Variants in BMP7 observed in about 807,000 individuals in gnomAD.
The protein encoded by BMP7 is bone morphogenetic protein 7.
Under a neutral mutation model 41.2 loss-of-function variants are expected in BMP7, and 12 were observed. The ratio of observed to expected loss-of-function variants is 0.29; its 90% CI spans 0.19 to 0.47. The LOEUF (loss-of-function observed/expected upper bound fraction) is 0.47. Among genes scored for constraint, BMP7 ranks in the 20% least tolerant of loss-of-function variants. BMP7 has a pLI of 0.99. For synonymous variants in BMP7, 248 were observed against 250.0 expected, an observed-to-expected ratio of 0.99 and a Z score of 0.07; for missense variants, 467 against 606.0, an observed-to-expected ratio of 0.77 and a Z score of 2.41.
rs540705019 is a variant in BMP7, at chr20:57,214,572, G to A, written c.612-11949C>T. On this transcript the variant is annotated intron_variant, in intron 2 of 6. Transcript: ENST00000395863. This position sits in a 1 kb window ranked among gnomAD's most constrained non-coding sequence, Gnocchi z 4.0. The stretch of plus-strand genomic sequence containing the variant: ...CCCTCCTCATCTGTGCCAGTCTCCA[G>A]CCCACCACAGCCCCTCACACATGCT... Among the ~76,000 whole-genome samples, 1 of 151,862 alleles carries A rather than the reference G, an allele frequency of 6.6e-6. No homozygotes were observed. The highest frequency in any genetic ancestry group is 2.0e-4 in the East Asian group (1 of 5,126).
chr20:57,195,927 TG>T (rs2074671828), intron 3 of BMP7, among the ~76,000 whole-genome samples: 1 of 152,276 alleles, frequency 6.6e-6, no homozygotes, highest in Admixed American at 6.5e-5. Flanking sequence ...AGGTGCCCTA[TG>T]ACCTTGGAGC....
chr20:57,187,986 A>G (rs1467919209), intron 3 of BMP7, among the ~76,000 whole-genome samples: 1 of 152,240 alleles, frequency 6.6e-6, no homozygotes, highest in Non-Finnish European at 1.5e-5. Flanking sequence ...CACAGCAGAC[A>G]CTTATTCACC....
intron 4 of BMP7, among the ~76,000 whole-genome samples, chr20:57,175,688 G>GTC (rs1018801017): frequency 4.6e-5 from 7 of 152,186 alleles, no homozygotes; most frequent in African/African-American, 1.7e-4. Context: ...TGTCTGTCTT[G>GTC]TCTCTCTCTC....
At chr20:57,184,460 C>T (rs947094714) in intron 3 of BMP7, among the ~76,000 whole-genome samples, 2 of 152,030 alleles carry the variant, frequency 1.3e-5, no homozygotes, top group Admixed American at 6.5e-5. Flanking sequence ...TGCCCGGAGG[C>T]AGGAGCAAGG....
intron 1 of BMP7, among the ~76,000 whole-genome samples, chr20:57,263,296 G>C (rs1306283972): frequency 2.6e-5 from 4 of 152,220 alleles, no homozygotes; most frequent in African/African-American, 9.6e-5. Flanking sequence ...GCCGGTCTTT[G>C]TCCTTTCAAG....
chr20:57,219,923 C>T (rs1985149829), intron 2 of BMP7, among the ~76,000 whole-genome samples: 1 of 152,222 alleles, frequency 6.6e-6, no homozygotes, highest in African/African-American at 2.4e-5. Context: ...CAGTGGCCAA[C>T]AGGTTTCACT....
rs1983869251 is a variant in BMP7, at chr20:57,174,073, G to T, written c.1036-763C>A. ...GTGGATGTGGTCATCAGTCCTGAGG[G>T]CAGGCTCACAGGAGGGCTCAGAGCT... On this transcript the variant is annotated intron_variant, in intron 5 of 6. Coordinates refer to ENST00000395863, the MANE Select transcript of BMP7 (RefSeq NM_001719.3). The surrounding 1 kb of genome is among the most constrained non-coding windows in gnomAD (Gnocchi z 4.3). Among the ~76,000 whole-genome samples, 1 of 152,160 alleles carries T rather than the reference G, an allele frequency of 6.6e-6. No homozygotes were observed. Among genetic ancestry groups the T allele is most frequent in the African/African-American group, 2.4e-5 (1 of 41,418 alleles).
chr20:57,183,963 GGGCCAC>G, intron 3 of BMP7, 44 bp from the exon 4 acceptor site: 2 of 1,602,774 alleles, frequency 1.2e-6, no homozygotes, highest in South Asian at 2.2e-5. Context: ...AGTTACAGGA[GGGCCAC>G]GAGCGGGACA....
intron 3 of BMP7, chr20:57,187,061 G>A (rs1984228866): frequency 6.6e-6 from 1 of 152,166 alleles, no homozygotes; most frequent in Non-Finnish European, 1.5e-5. Flanking sequence ...TTAAATCCAC[G>A]CGCTGCAAAA....
intron 4 of BMP7, among the ~76,000 whole-genome samples, chr20:57,180,601 T>C (rs1200308129): frequency 6.6e-6 from 1 of 152,242 alleles, no homozygotes; most frequent in Middle Eastern, 3.4e-3. Context: ...GCAGCCTTTG[T>C]GTGGGTGTTC....
At chr20:57,230,107 G>A (rs1174230926) in intron 1 of BMP7, among the ~76,000 whole-genome samples, 1 of 152,144 alleles carries the variant, frequency 6.6e-6, no homozygotes, top group Non-Finnish European at 1.5e-5. Flanking sequence ...GCCATATATG[G>A]AGAGCTGGCG....
At chr20:57,249,208 A>G (rs751974645) in intron 1 of BMP7, among the ~76,000 whole-genome samples, 2 of 152,062 alleles carry the variant, frequency 1.3e-5, no homozygotes, top group Non-Finnish European at 2.9e-5. Flanking sequence ...AGGGTGTTAT[A>G]GGTCCTTAAG....
At chr20:57,196,141 C>T (rs983760879) in intron 3 of BMP7, among the ~76,000 whole-genome samples, 1 of 152,186 alleles carries the variant, frequency 6.6e-6, no homozygotes, top group Non-Finnish European at 1.5e-5. Context: ...GGACAAAAGG[C>T]TGCAGTCCCT....
chr20:57,187,962 A>G (rs1429547613), intron 3 of BMP7, among the ~76,000 whole-genome samples: 1 of 152,240 alleles, frequency 6.6e-6, no homozygotes, highest in Non-Finnish European at 1.5e-5. Context: ...TTTAACCTAA[A>G]GGCTGAACAA....
At chr20:57,255,799 C>CAAAAAAAAAAAA (rs3067106) in intron 1 of BMP7, among the ~76,000 whole-genome samples, 15 of 48,602 alleles carry the variant, frequency 3.1e-4, no homozygotes, top group Non-Finnish European at 4.0e-4. Flanking sequence ...GACTCCATCT[C>CAAAAAAAAAAAA]AAAAAAAAAA....
At position 57,224,661 on chromosome 20, in the gene BMP7, C is replaced by T. The variant is rs1985265402; in HGVS notation, c.611+3568G>A. The stretch of plus-strand genomic sequence containing the variant: ...AGGCCCCAGCTGGCCTGGCCTCAGG[C>T]CTGGGGTTCAGAAAATGAGGATAAG... On this transcript the variant is annotated intron_variant, in intron 2 of 6. Transcript: ENST00000395863. This position sits in a 1 kb window ranked among gnomAD's most constrained non-coding sequence, Gnocchi z 4.8. 1 of 152,312 alleles carries T rather than the reference C, an allele frequency of 6.6e-6. No individual in the cohort carries two copies. The highest frequency in any genetic ancestry group is 6.5e-5 in the Admixed American group (1 of 15,284). The allele number at this position is 152,312 out of a possible 1,614,324, so 9.4% of individuals were successfully genotyped here.
intron 3 of BMP7, among the ~76,000 whole-genome samples, chr20:57,189,683 GATAGAA>G (rs1209684631): frequency 5.9e-5 from 9 of 152,252 alleles, no homozygotes; most frequent in Non-Finnish European, 1.0e-4. Flanking sequence ...GAAACACTGA[GATAGAA>G]GCATCCTTTG....
intron 2 of BMP7, chr20:57,226,092 TC>T (rs2066005050): frequency 2.5e-6 from 1 of 398,984 alleles, no homozygotes; most frequent in African/African-American, 2.0e-5. Context: ...GGAACGCCCA[TC>T]CCTCCTCCAA....
chr20:57,229,822 C>A (rs1247056092), intron 1 of BMP7, among the ~76,000 whole-genome samples: 3 of 152,200 alleles, frequency 2.0e-5, no homozygotes, highest in Non-Finnish European at 4.4e-5. Flanking sequence ...ACGGGAACAC[C>A]ATTGAGGAAG....
Sources: gnomAD v4.1 joint callset for allele counts (sites outside exome capture counted in the v4.1 genomes callset) on GRCh38, gnomAD v4.1.1 for gene constraint, Gnocchi (gnomAD v3.1) non-coding constraint, MANE v1.5 for transcripts, NCBI Gene and HGNC (gene_info 2026-07-23, HGNC 2026-07-21) for gene names.